The following COL25A1 variants were observed in gnomAD, a reference collection of about 807,000 sequenced individuals.
The protein encoded by COL25A1 is collagen alpha-1(XXV) chain.
COL25A1 carries 103 observed loss-of-function variants against 128.4 expected under a neutral mutation model. The observed-to-expected ratio is 0.80, with a 90% confidence interval of 0.68 to 0.94. The LOEUF is 0.94. Ranked by LOEUF, COL25A1 falls within the 40% of genes least tolerant of loss-of-function variation. The pLI, the probability that COL25A1 is intolerant of heterozygous loss-of-function variation, is 0.00. For synonymous variants in COL25A1, 279 were observed against 277.2 expected (o/e 1.01, Z -0.06); for missense variants, 745 against 840.0 (o/e 0.89, Z 1.40).
At chr4:109,163,970 T>G (rs1407975328) in intron 3 of COL25A1, among the ~76,000 whole-genome samples, 1 of 152,216 alleles carries the variant, frequency 6.6e-6, no homozygotes, top group African/African-American at 2.4e-5. Context: ...TTAATCCAAG[T>G]AGTAAAACCT....
At chr4:108,823,980 A>C in intron 35 of COL25A1, 194 bp downstream of exon 35, 1 of 1,523,490 alleles carries the variant, frequency 6.6e-7, no homozygotes, top group Admixed American at 2.6e-5. Flanking sequence ...TATGCCAGGC[A>C]GTGCCCTTAT....
At chr4:108,976,222 A>G (rs536717914) in intron 6 of COL25A1, among the ~76,000 whole-genome samples, 1 of 152,292 alleles carries the variant, frequency 6.6e-6, no homozygotes, top group African/African-American at 2.4e-5. Flanking sequence ...TCATTATTTT[A>G]TCTTCCATAT....
At chr4:109,168,848 A>G (rs1219202887) in intron 3 of COL25A1, among the ~76,000 whole-genome samples, 1 of 152,180 alleles carries the variant, frequency 6.6e-6, no homozygotes, top group East Asian at 1.9e-4. Flanking sequence ...GAATCTTTTT[A>G]TATCTCTTGA....
chr4:108,999,206 A>AATAT (rs1470378314), intron 6 of COL25A1, among the ~76,000 whole-genome samples: 1 of 20,754 alleles, frequency 4.8e-5, no homozygotes, highest in Non-Finnish European at 1.7e-4. Context: ...AAATCTTTGC[A>AATAT]ATCTATCCAT....
intron 6 of COL25A1, among the ~76,000 whole-genome samples, chr4:108,999,410 A>G (rs1398882187): frequency 6.6e-6 from 1 of 152,248 alleles, no homozygotes; most frequent in Non-Finnish European, 1.5e-5. Flanking sequence ...TCAAAACCAC[A>G]ATGAGATACC....
At chr4:109,260,702 G>C (rs1425920692) in intron 3 of COL25A1, among the ~76,000 whole-genome samples, 1 of 152,064 alleles carries the variant, frequency 6.6e-6, no homozygotes, top group Non-Finnish European at 1.5e-5. Context: ...CACCATGTTG[G>C]CCAGGCTGGT....
chr4:109,021,025 C>T (rs897595035), intron 5 of COL25A1, among the ~76,000 whole-genome samples: 2 of 152,206 alleles, frequency 1.3e-5, no homozygotes, highest in Non-Finnish European at 2.9e-5. Context: ...GTGCAATACT[C>T]TCTCGATGTT....
chr4:108,865,560 C>A (rs756773472), intron 20 of COL25A1, among the ~76,000 whole-genome samples: 1 of 152,112 alleles, frequency 6.6e-6, no homozygotes, highest in Non-Finnish European at 1.5e-5. Flanking sequence ...CACCCCATTA[C>A]CCTGTTGAGT....
intron 8 of COL25A1, among the ~76,000 whole-genome samples, chr4:108,951,654 G>A (rs1749452555): frequency 6.6e-6 from 1 of 152,118 alleles, no homozygotes; most frequent in South Asian, 2.1e-4. Flanking sequence ...CTAAAGCGTT[G>A]GGATTACAGG....
intron 3 of COL25A1, among the ~76,000 whole-genome samples, chr4:109,111,800 C>T (rs4956244): frequency 0.54 from 81,468 of 151,974 alleles, 23,594 homozygotes; most frequent in Non-Finnish European, 0.68. Context: ...ATAGGCTCTT[C>T]AAAGGAAGAC....
intron 3 of COL25A1, among the ~76,000 whole-genome samples, chr4:109,160,800 CT>C (rs60261351): frequency 6.6e-6 from 1 of 152,090 alleles, no homozygotes; most frequent in Non-Finnish European, 1.5e-5. Context: ...AGGATTCACT[CT>C]TTTTTTAAAC....
At chr4:109,214,528 G>A (rs1260542972) in intron 3 of COL25A1, among the ~76,000 whole-genome samples, 9 of 151,898 alleles carry the variant, frequency 5.9e-5, no homozygotes, top group Admixed American at 3.3e-4. Flanking sequence ...ACTAATAGTC[G>A]CTTTAAAATT....
At chr4:109,122,120 G>A (rs182533598) in intron 3 of COL25A1, among the ~76,000 whole-genome samples, 10 of 152,222 alleles carry the variant, frequency 6.6e-5, no homozygotes, top group Non-Finnish European at 1.3e-4. Flanking sequence ...AAGGGTTAGA[G>A]GAGAGGGAGG....
intron 19 of COL25A1, among the ~76,000 whole-genome samples, chr4:108,876,519 A>G (rs1488386540): frequency 6.6e-6 from 1 of 152,192 alleles, no homozygotes; most frequent in Non-Finnish European, 1.5e-5. Flanking sequence ...AAACAGAATA[A>G]TCTAAACAAT....
At chr4:109,253,295 A>G (rs1780787483) in intron 3 of COL25A1, among the ~76,000 whole-genome samples, 1 of 152,204 alleles carries the variant, frequency 6.6e-6, no homozygotes, top group African/African-American at 2.4e-5. Flanking sequence ...AGCAAGGTAG[A>G]GACCCAGGAG....
chr4:108,893,770 A>C (rs4615248), intron 16 of COL25A1, among the ~76,000 whole-genome samples: 1 of 151,970 alleles, frequency 6.6e-6, no homozygotes. Flanking sequence ...CAAAGGCCAT[A>C]AGAAGAGTGT....
chr4:109,218,357 G>GTTTTTTTTTTGTTTGTTTGTTT (rs1553961829), intron 3 of COL25A1, among the ~76,000 whole-genome samples: 5 of 73,520 alleles, frequency 6.8e-5, no homozygotes, highest in Admixed American at 2.1e-4. Flanking sequence ...GTTTTTTGGG[G>GTTTTTTTTTTGTTTGTTTGTTT]TTTTTTTTTT....
intron 3 of COL25A1, among the ~76,000 whole-genome samples, chr4:109,142,959 A>T (rs1770567242): frequency 1.3e-5 from 2 of 152,166 alleles, no homozygotes; most frequent in Non-Finnish European, 2.9e-5. Context: ...TTATGATGCT[A>T]GCTGATTATT....
At chr4:108,899,106 T>C (rs747920843) in intron 15 of COL25A1, 48 bp downstream of exon 15, 4 of 1,584,340 alleles carry the variant, frequency 2.5e-6, no homozygotes. Context: ...TTTGGTATGC[T>C]GGTGGTGGGG....
Sources: allele counts gnomAD v4.1 joint callset (sites outside exome capture counted in the v4.1 genomes callset), GRCh38; gene constraint gnomAD v4.1.1; transcripts MANE v1.5; gene names NCBI Gene and HGNC (gene_info 2026-07-23, HGNC 2026-07-21).